The following DPH6 variants were observed in gnomAD, a reference collection of about 807,000 sequenced individuals.
The protein encoded by DPH6 is diphthine--ammonia ligase.
DPH6 carries 33 observed loss-of-function variants against 38.2 expected under a neutral mutation model. That is an observed-to-expected ratio of 0.86 (90% CI 0.65 to 1.15). The LOEUF is 1.15. Ranked by LOEUF, DPH6 falls within the 50% of genes most tolerant of loss-of-function variation. The pLI, the probability that DPH6 is intolerant of heterozygous loss-of-function variation, is 0.00. For synonymous variants in DPH6, 108 were observed against 103.0 expected, an observed-to-expected ratio of 1.05 and a Z score of -0.30; for missense variants, 325 against 320.0, an observed-to-expected ratio of 1.02 and a Z score of -0.12.
At chr15:35,155,134 TAGC>T in the DPH6 span, among the ~76,000 whole-genome samples, 1 of 152,184 alleles carries the variant, frequency 6.6e-6, no homozygotes, top group Non-Finnish European at 1.5e-5. Flanking sequence ...AAAGAAAAAG[TAGC>T]AGATCTTCTC....
the DPH6 span, among the ~76,000 whole-genome samples, chr15:35,165,335 C>T: frequency 0.059 from 9,000 of 151,876 alleles, 422 homozygotes; most frequent in East Asian, 0.26. Flanking sequence ...ATATGGTTCA[C>T]TTTGGTGGAA....
the DPH6 span, among the ~76,000 whole-genome samples, chr15:35,167,145 C>T: frequency 6.6e-6 from 1 of 151,914 alleles, no homozygotes; most frequent in African/African-American, 2.4e-5. Flanking sequence ...TGGGGGCAAA[C>T]AAAAGCCTGC....
chr15:35,542,296 T>C, intron 2 of DPH6, 117 bp downstream of exon 2: 1 of 783,862 alleles, frequency 1.3e-6, no homozygotes, highest in Non-Finnish European at 2.0e-6. Context: ...ATCTAATGGG[T>C]GCTTAATATT....
intron 3 of DPH6, among the ~76,000 whole-genome samples, chr15:35,269,220 A>C (rs2051805005): frequency 6.6e-6 from 1 of 152,180 alleles, no homozygotes; most frequent in Admixed American, 6.5e-5. Context: ...ATTCCTTAAA[A>C]TGTAAAATGT....
chr15:35,427,022 A>T (rs758444323), intron 5 of DPH6, among the ~76,000 whole-genome samples: 15 of 69,308 alleles, frequency 2.2e-4, no homozygotes, highest in African/African-American at 1.1e-3. Flanking sequence ...AAAAAAAGAT[A>T]AAAAAAAAGA....
At chr15:35,352,427 C>T (rs140190421) in intron 3 of DPH6, among the ~76,000 whole-genome samples, 1,765 of 152,252 alleles carry the variant, frequency 0.012, 41 homozygotes, top group Non-Finnish European at 0.013. Flanking sequence ...CTATCCCTCC[C>T]CGCTACCCCC....
At chr15:35,390,875 T>C (rs926540228) in intron 6 of DPH6, among the ~76,000 whole-genome samples, 9 of 152,224 alleles carry the variant, frequency 5.9e-5, no homozygotes, top group East Asian at 1.9e-4. Flanking sequence ...CTTTGCTCCA[T>C]TGCTGGTGAG....
chr15:35,443,034 TA>T (rs1436723456), intron 5 of DPH6, among the ~76,000 whole-genome samples: 1 of 152,188 alleles, frequency 6.6e-6, no homozygotes, highest in East Asian at 1.9e-4. Context: ...ATGCATAGTG[TA>T]TTAATTACAT....
chr15:35,493,236 A>C (rs1240859379), intron 3 of DPH6, among the ~76,000 whole-genome samples: 3 of 152,178 alleles, frequency 2.0e-5, no homozygotes, highest in Admixed American at 2.0e-4. Flanking sequence ...AACTGCCACA[A>C]ATATTAAATG....
chr15:35,544,512 T>A (rs1238691932), intron 1 of DPH6, among the ~76,000 whole-genome samples: 1 of 151,872 alleles, frequency 6.6e-6, no homozygotes, highest in African/African-American at 2.4e-5. Context: ...AAAAAAAAAA[T>A]TTAAAAAAGG....
At chr15:35,279,048 C>CAAAAAAAAAAAAA (rs71123126) in intron 3 of DPH6, among the ~76,000 whole-genome samples, 1 of 70,672 alleles carries the variant, frequency 1.4e-5, no homozygotes, top group African/African-American at 6.6e-5. Flanking sequence ...GACTCTGTCT[C>CAAAAAAAAAAAAA]AAAAAAAAAA....
intron 5 of DPH6, among the ~76,000 whole-genome samples, chr15:35,440,664 G>A (rs1244387834): frequency 6.6e-6 from 1 of 152,182 alleles, no homozygotes; most frequent in Non-Finnish European, 1.5e-5. Context: ...AGGCAGATAA[G>A]GGAACCCGCA....
intron 6 of DPH6, among the ~76,000 whole-genome samples, chr15:35,391,734 G>T (rs192548039): frequency 5.9e-5 from 9 of 152,296 alleles, no homozygotes; most frequent in African/African-American, 2.2e-4. Flanking sequence ...TCCAGGTGCC[G>T]TCTGTCACCC....
chr15:35,379,590 T>G (rs1340360836), intron 7 of DPH6, among the ~76,000 whole-genome samples: 1 of 152,194 alleles, frequency 6.6e-6, no homozygotes, highest in Non-Finnish European at 1.5e-5. Flanking sequence ...CAAAACATGT[T>G]CACTCACATC....
At chr15:35,190,343 G>C in the DPH6 span, among the ~76,000 whole-genome samples, 65 of 152,326 alleles carry the variant, frequency 4.3e-4, no homozygotes, top group East Asian at 0.012. Flanking sequence ...ACTCAAATCA[G>C]TCTCCCCAGG....
At chr15:35,480,794 T>C (rs1220354690) in intron 3 of DPH6, among the ~76,000 whole-genome samples, 1 of 152,092 alleles carries the variant, frequency 6.6e-6, no homozygotes, top group East Asian at 1.9e-4. Context: ...TATAAACTTA[T>C]TTTGGGTAAC....
At chr15:35,237,902 G>T in intron 3 of DPH6, 1 of 1,421,294 alleles carries the variant, frequency 7.0e-7, no homozygotes, top group Non-Finnish European at 9.9e-7. Flanking sequence ...GGAGGAGGAG[G>T]AAGGTGAAGA....
At chr15:35,283,425 C>A (rs1037884561) in intron 3 of DPH6, among the ~76,000 whole-genome samples, 1 of 151,708 alleles carries the variant, frequency 6.6e-6, no homozygotes, top group East Asian at 1.9e-4. Context: ...GGTTCCCGAG[C>A]AGCTGGGACC....
intron 3 of DPH6, among the ~76,000 whole-genome samples, chr15:35,285,158 A>AT (rs1192980897): frequency 6.6e-6 from 1 of 152,080 alleles, no homozygotes; most frequent in Non-Finnish European, 1.5e-5. Flanking sequence ...CCTGGTCGGG[A>AT]TAAAAAAAAT....
Sources: allele counts gnomAD v4.1 joint callset (sites outside exome capture counted in the v4.1 genomes callset), GRCh38; gene constraint gnomAD v4.1.1; transcripts MANE v1.5; gene names NCBI Gene and HGNC (gene_info 2026-07-23, HGNC 2026-07-21).